The following MDN1 variants were observed in gnomAD, a reference collection of about 807,000 sequenced individuals.
MDN1 encodes the protein midasin.
In MDN1, 266 loss-of-function variants were observed where a neutral mutation model predicts 669.2. The ratio of observed to expected loss-of-function variants is 0.40; its 90% CI spans 0.36 to 0.44. MDN1 has a LOEUF of 0.44. Among genes scored for constraint, MDN1 ranks in the 20% least tolerant of loss-of-function variants. The pLI, the probability that MDN1 is intolerant of heterozygous loss-of-function variation, is 1.00. For missense variants in MDN1, 5,940 were observed against 6,754.0 expected (o/e 0.88, Z 4.22); for synonymous variants, 2,385 against 2,457.1 (o/e 0.97, Z 0.87).
At chr6:89,801,262 G>C (rs938968568) in intron 2 of MDN1, among the ~76,000 whole-genome samples, 7 of 152,168 alleles carry the variant, frequency 4.6e-5, no homozygotes, top group African/African-American at 1.7e-4. Context: ...CCAGGCTCAC[G>C]CCTGTAATCC....
At chr6:89,764,761 T>C (rs886077749) in intron 15 of MDN1, among the ~76,000 whole-genome samples, 1 of 152,096 alleles carries the variant, frequency 6.6e-6, no homozygotes, top group African/African-American at 2.4e-5. Context: ...AAGAAAGTGG[T>C]TGGAGCTCAG....
At chr6:89,649,033 G>A (rs1490149784) in intron 97 of MDN1, among the ~76,000 whole-genome samples, 1 of 151,006 alleles carries the variant, frequency 6.6e-6, no homozygotes, top group Non-Finnish European at 1.5e-5. Flanking sequence ...GAGAAATATG[G>A]TCCATGAATT....
intron 9 of MDN1, among the ~76,000 whole-genome samples, chr6:89,784,767 TATA>T (rs1404944489): frequency 6.6e-6 from 1 of 152,224 alleles, no homozygotes; most frequent in African/African-American, 2.4e-5. Flanking sequence ...TTTTATTGTG[TATA>T]ATAATGTTAT....
chr6:89,722,846 CAAAAAAAAA>C, intron 40 of MDN1, 100 bp downstream of exon 40: 1 of 690,436 alleles, frequency 1.4e-6, no homozygotes. Flanking sequence ...AACCCAGTCT[CAAAAAAAAA>C]AAAAAAAAAA....
chr6:89,747,063 C>G (rs574198767), intron 27 of MDN1, among the ~76,000 whole-genome samples: 1 of 152,296 alleles, frequency 6.6e-6, no homozygotes, highest in Non-Finnish European at 1.5e-5. Context: ...TGCCTAACTC[C>G]CAAAGAGGCT....
Position 89,794,937 on chromosome 6 carries a change from C to T in MDN1, c.330-136G>A, listed in dbSNP as rs1334079799. Reference sequence around the variant, plus strand: ...TTTCAAAAAGGAGTATCTATATTTTCATTGATTGGTGGGAATATCATAGAA... The same window carrying T: ...TTTCAAAAAGGAGTATCTATATTTTTATTGATTGGTGGGAATATCATAGAA... On this transcript the variant is annotated intron_variant, in intron 2 of 101. Transcript: ENST00000369393. The T allele has an allele frequency of 4.1e-6, 3 of 736,546 alleles. No homozygotes were observed. In the Admixed American group the frequency reaches 8.2e-5, roughly 20 times the overall value. The allele number at this position is 736,546 out of a possible 1,614,324, so 45.6% of individuals were successfully genotyped here. A position where few individuals can be genotyped will look rare whatever the true frequency, so the allele number is the denominator to read the frequency against.
At chr6:89,807,361 C>G (rs1330167228) in intron 1 of MDN1, among the ~76,000 whole-genome samples, 2 of 152,228 alleles carry the variant, frequency 1.3e-5, no homozygotes, top group African/African-American at 4.8e-5. Flanking sequence ...GCTGGGATTA[C>G]AGGCATGCGC....
rs565077822 is a variant in MDN1 at position 89,814,958 on chromosome 6, C to T, written c.102+4548G>A. Reference sequence around the variant, plus strand: ...CGCTCAGCTAAGAGCACCCTGGGTGCCATGTCACAGAGAATCCAGGAGTCC... The same window carrying T: ...CGCTCAGCTAAGAGCACCCTGGGTGTCATGTCACAGAGAATCCAGGAGTCC... On this transcript the variant is annotated intron_variant, in intron 1 of 101. Coordinates refer to ENST00000369393, the MANE Select transcript of MDN1 (RefSeq NM_014611.3). The T allele has an allele frequency of 1.8e-3, 895 of 499,302 alleles. 15 individuals carry two copies. Among genetic ancestry groups the T allele is most frequent in the South Asian group, 0.016 (864 of 53,008 alleles). 30.9% of individuals were successfully genotyped at this position (499,302 alleles called of 1,614,324 possible).
chr6:89,671,370 C>T (rs1810745050), intron 82 of MDN1, among the ~76,000 whole-genome samples: 1 of 152,208 alleles, frequency 6.6e-6, no homozygotes, highest in African/African-American at 2.4e-5. Flanking sequence ...CACAGTGGCT[C>T]ACGCCTTTAA....
rs764199944 is a variant in MDN1 at position 89,694,091 on chromosome 6, G to A, written c.9864C>T (p.Tyr3288=). ...RDLEDEVVVS[Y]SHPHVRLLRQ... is the part of the protein sequence containing the mutation. ...TGTGTTACCTGACGTGAGGATGAGA[G>A]TAGCTGACAACGACTTCATCTTCCA... Residue 3288 remains tyrosine, a synonymous_variant, in exon 62 of 102, where the codon TAC becomes TAT. Transcript: ENST00000369393. 2 of 1,614,118 alleles carry A rather than the reference G, an allele frequency of 1.2e-6. No homozygotes were observed. The highest frequency in any genetic ancestry group is 2.2e-5 in the South Asian group (2 of 91,086).
intron 33 of MDN1, among the ~76,000 whole-genome samples, chr6:89,735,551 T>G (rs1004496021): frequency 1.3e-5 from 2 of 152,094 alleles, no homozygotes; most frequent in African/African-American, 4.8e-5. Context: ...TAGAATCTTT[T>G]GTTTTGGTCA....
intron 2 of MDN1, among the ~76,000 whole-genome samples, chr6:89,799,000 G>A (rs369830555): frequency 6.6e-6 from 1 of 152,178 alleles, no homozygotes; most frequent in South Asian, 2.1e-4. Context: ...CAGGGATACA[G>A]TGAGAATAAA....
intron 22 of MDN1, 86 bp downstream of exon 22, chr6:89,753,425 TA>T (rs1255780373): frequency 1.0e-6 from 1 of 964,730 alleles, no homozygotes; most frequent in Non-Finnish European, 1.6e-6. Flanking sequence ...ATTAAAAAGT[TA>T]TGTGAAAAAA....
intron 7 of MDN1, among the ~76,000 whole-genome samples, chr6:89,789,125 CAAA>C (rs35244860): frequency 2.1e-5 from 3 of 144,766 alleles, no homozygotes; most frequent in Admixed American, 6.9e-5. Flanking sequence ...CTCTGTCTCA[CAAA>C]AAAAAAAAAG....
chr6:89,803,584 C>CA (rs771476360), intron 1 of MDN1, 30 bp from the exon 2 acceptor site: 37 of 1,287,858 alleles, frequency 2.9e-5, no homozygotes, highest in South Asian at 2.8e-4. Flanking sequence ...ACATCTTTCA[C>CA]TTTTTTTTTT....
chr6:89,816,217 T>C (rs1768817237), intron 1 of MDN1, among the ~76,000 whole-genome samples: 1 of 150,696 alleles, frequency 6.6e-6, no homozygotes, highest in Non-Finnish European at 1.5e-5. Flanking sequence ...CTGGCTAACA[T>C]GGTGAAACCC....
chr6:89,811,959 T>C (rs2128331791), intron 1 of MDN1, among the ~76,000 whole-genome samples: 1 of 152,138 alleles, frequency 6.6e-6, no homozygotes. Context: ...AGCTGAAGAA[T>C]ACTGATTACT....
chr6:89,731,805 CCCCCCA>C (rs1815618535), intron 34 of MDN1, among the ~76,000 whole-genome samples: 2 of 146,480 alleles, frequency 1.4e-5, no homozygotes, highest in Admixed American at 1.4e-4. Flanking sequence ...ACCGCCCCCC[CCCCCCA>C]CCTTTTCCTT....
At chr6:89,648,445 AGG>A in intron 97 of MDN1, 116 bp from the exon 98 acceptor site, 1 of 904,054 alleles carries the variant, frequency 1.1e-6, no homozygotes, top group East Asian at 2.6e-5. Context: ...TGGCAAGTAG[AGG>A]AATAACATCA....
Sources: allele counts gnomAD v4.1 joint callset (sites outside exome capture counted in the v4.1 genomes callset), GRCh38; gene constraint gnomAD v4.1.1; transcripts MANE v1.5; gene names NCBI Gene and HGNC (gene_info 2026-07-23, HGNC 2026-07-21).